The following RAB19 variants were observed in gnomAD, a reference collection of about 807,000 sequenced individuals.
The protein encoded by RAB19 is RAB19, member RAS oncogene family.
In RAB19, 21 loss-of-function variants were observed where a neutral mutation model predicts 17.3. The observed-to-expected ratio is 1.21, with a 90% CI of 0.86 to 1.74. RAB19 has a LOEUF of 1.74. Among genes scored for constraint, RAB19 ranks in the 40% most tolerant of loss-of-function variants. RAB19 has a pLI of 0.00. For synonymous variants in RAB19, 126 were observed against 110.4 expected (o/e 1.14, Z -0.88); for missense variants, 277 against 286.8 (o/e 0.97, Z 0.25).
intron 1 of RAB19, among the ~76,000 whole-genome samples, chr7:140,405,758 C>T (rs1287398506): frequency 1.4e-5 from 2 of 143,282 alleles, no homozygotes; most frequent in Admixed American, 7.3e-5. Flanking sequence ...CACTGCACTC[C>T]AGCCTCGGTG....
At chr7:140,408,143 C>T (rs1436950139) in intron 2 of RAB19, among the ~76,000 whole-genome samples, 1 of 151,794 alleles carries the variant, frequency 6.6e-6, no homozygotes, top group Non-Finnish European at 1.5e-5. Flanking sequence ...ACCTCGGCCT[C>T]CCAGAGTGCT....
At chr7:140,424,040 A>G (rs1299127920) in intron 3 of RAB19, among the ~76,000 whole-genome samples, 3 of 151,858 alleles carry the variant, frequency 2.0e-5, no homozygotes, top group African/African-American at 7.3e-5. Flanking sequence ...TTTTTAGTAG[A>G]GACGGGGTTT....
chr7:140,419,853 A>C (rs1201556991), intron 3 of RAB19, among the ~76,000 whole-genome samples: 1 of 152,118 alleles, frequency 6.6e-6, no homozygotes, highest in East Asian at 1.9e-4. Context: ...TGAGATCACT[A>C]GTGTTTTTCA....
In RAB19 at chr7:140,411,934, C is replaced by G. The variant is rs1239263920; in HGVS notation, c.262C>G (p.Arg88Gly). ...RFRTITQSYY[R>G]SAHAAIIAYD... Reference sequence around the variant, plus strand: ...CCGCACCATCACCCAAAGCTACTACCGCAGTGCCCACGCAGCCATCATCGC... The same window carrying G: ...CCGCACCATCACCCAAAGCTACTACGGCAGTGCCCACGCAGCCATCATCGC... The change falls in exon 3 of 4, where the codon CGC (arginine) becomes GGC (glycine). Residue 88 changes from arginine (R) to glycine (G), a missense_variant. Arg to Gly is a moderately radical substitution (Grantham distance 125). Coordinates refer to ENST00000537763, the MANE Select transcript of RAB19 (RefSeq NM_001008749.3). 11 of 1,614,236 alleles carry G rather than the reference C, an allele frequency of 6.8e-6. No homozygotes were observed. Among genetic ancestry groups the G allele is most frequent in the Non-Finnish European group, 9.3e-6 (11 of 1,180,048 alleles).
At position 140,427,662 on chromosome 7, in the gene RAB19, G is replaced by T. The variant is rs1799693680; in HGVS notation, c.*1512G>T. ...AGGCAGGGTTTCACCACGTTGGCCA[G>T]GCTGGTCTCGAACTCCTGACCTCAT... On this transcript the variant is annotated 3_prime_UTR_variant, in exon 4 of 4. Coordinates refer to ENST00000537763, the MANE Select transcript of RAB19 (RefSeq NM_001008749.3). Among the ~76,000 whole-genome samples the T allele has an allele frequency of 6.6e-6, 1 of 151,810 alleles. No homozygotes were observed. Among genetic ancestry groups the T allele is most frequent in the African/African-American group, 2.4e-5 (1 of 41,296 alleles).
Position 140,427,828 on chromosome 7 carries a change from G to T in RAB19, c.*1678G>T, listed in dbSNP as rs74484995. Among the ~76,000 whole-genome samples the T allele has an allele frequency of 9.7e-3, 1,470 of 150,834 alleles. 20 individuals carry two copies. Among genetic ancestry groups the T allele is most frequent in the African/African-American group, 0.033 (1,344 of 41,024 alleles). ...TGGTCTCCAATTCCTGAGCTCACAGGTTTCTCCCACCTCAGCCTCCCAAAG... is the reference window on the plus strand; with the variant it reads ...TGGTCTCCAATTCCTGAGCTCACAGTTTTCTCCCACCTCAGCCTCCCAAAG... On this transcript the variant is annotated 3_prime_UTR_variant, in exon 4 of 4. Coordinates refer to ENST00000537763, the MANE Select transcript of RAB19 (RefSeq NM_001008749.3).
chr7:140,408,044 A>ATTTTT (rs35586721), intron 2 of RAB19, among the ~76,000 whole-genome samples, 197 bp downstream of exon 2: 1 of 142,332 alleles, frequency 7.0e-6, no homozygotes, highest in Non-Finnish European at 1.5e-5. Flanking sequence ...CGCCCGGCAA[A>ATTTTT]TTTTTTTTTT....
Position 140,426,226 on chromosome 7 carries a change from G to T in RAB19, c.*76G>T. 1 of 1,530,504 alleles carries T rather than the reference G, an allele frequency of 6.5e-7. No individual in the cohort carries two copies. The highest frequency in any genetic ancestry group is 2.3e-5 in the East Asian group (1 of 43,742). 94.8% of individuals were successfully genotyped at this position (1,530,504 alleles called of 1,614,324 possible). On this transcript the variant is annotated 3_prime_UTR_variant, in exon 4 of 4. Coordinates refer to ENST00000537763, the MANE Select transcript of RAB19 (RefSeq NM_001008749.3). The stretch of plus-strand genomic sequence containing the variant: ...AAGGTAGCCAGGATACCGTAGTGTT[G>T]CCCCAGTGGCGCTTTAGACCCCAGC...
At chr7:140,418,146 T>C (rs1036874590) in intron 3 of RAB19, among the ~76,000 whole-genome samples, 1 of 152,120 alleles carries the variant, frequency 6.6e-6, no homozygotes, top group African/African-American at 2.4e-5. Context: ...ACAGTGACTA[T>C]GGGAAAAGAT....
At chr7:140,404,280 G>C (rs1799195612) in intron 1 of RAB19, 63 bp downstream of exon 1, 1 of 152,334 alleles carries the variant, frequency 6.6e-6, no homozygotes, top group Admixed American at 6.6e-5. Context: ...ACATCATCGG[G>C]GTGGACGCTG....
intron 3 of RAB19, among the ~76,000 whole-genome samples, chr7:140,423,507 T>C (rs1563075077): frequency 6.6e-6 from 1 of 151,698 alleles, no homozygotes; most frequent in Non-Finnish European, 1.5e-5. Context: ...TAAAAACTAC[T>C]AGTGGTATAC....
At chr7:140,419,554 G>T (rs1333610251) in intron 3 of RAB19, among the ~76,000 whole-genome samples, 1 of 151,998 alleles carries the variant, frequency 6.6e-6, no homozygotes, top group Non-Finnish European at 1.5e-5. Context: ...TGTTCTCTTG[G>T]CAATGGACAT....
intron 2 of RAB19, among the ~76,000 whole-genome samples, chr7:140,410,483 C>T (rs1054303668): frequency 1.5e-4 from 23 of 151,996 alleles, no homozygotes; most frequent in African/African-American, 5.5e-4. Context: ...CCCGCCACGG[C>T]GCCCGGCTAA....
chr7:140,422,141 C>G (rs1201881222), intron 3 of RAB19, among the ~76,000 whole-genome samples: 1 of 152,150 alleles, frequency 6.6e-6, no homozygotes, highest in African/African-American at 2.4e-5. Flanking sequence ...AATCCCAACA[C>G]TTTGGGAGGC....
chr7:140,414,747 C>T (rs10274134), intron 3 of RAB19, among the ~76,000 whole-genome samples: 3 of 152,078 alleles, frequency 2.0e-5, no homozygotes, highest in African/African-American at 4.8e-5. Flanking sequence ...GCCTCATACA[C>T]GTGCTTCTTT....
At chr7:140,415,598 G>A (rs910243059) in intron 3 of RAB19, among the ~76,000 whole-genome samples, 2 of 152,152 alleles carry the variant, frequency 1.3e-5, no homozygotes, top group African/African-American at 4.8e-5. Context: ...AATGCCGCAT[G>A]GCCAAATACA....
At chr7:140,417,800 C>A (rs1384451163) in intron 3 of RAB19, among the ~76,000 whole-genome samples, 1 of 152,188 alleles carries the variant, frequency 6.6e-6, no homozygotes, top group Non-Finnish European at 1.5e-5. Flanking sequence ...GCTTCTGGTG[C>A]CATCTTTGGC....
chr7:140,418,828 C>A (rs533506449), intron 3 of RAB19, among the ~76,000 whole-genome samples: 1 of 146,872 alleles, frequency 6.8e-6, no homozygotes, highest in Non-Finnish European at 1.5e-5. Context: ...CACTGCACCA[C>A]AGCCTGGGTG....
At chr7:140,405,413 G>T (rs553061461) in intron 1 of RAB19, among the ~76,000 whole-genome samples, 33 of 151,886 alleles carry the variant, frequency 2.2e-4, no homozygotes, top group Non-Finnish European at 4.3e-4. Flanking sequence ...GTAGAGATGG[G>T]GTTTCACCAT....
Sources: allele counts gnomAD v4.1 joint callset (sites outside exome capture counted in the v4.1 genomes callset), GRCh38; gene constraint gnomAD v4.1.1; transcripts MANE v1.5; gene names NCBI Gene and HGNC (gene_info 2026-07-23, HGNC 2026-07-21).